Variants in AGGF1 observed in about 807,000 individuals in gnomAD.
The protein encoded by AGGF1 is angiogenic factor with G-patch and FHA domains 1.
Under a neutral mutation model 86.5 loss-of-function variants are expected in AGGF1, and 56 were observed. That is an observed-to-expected ratio of 0.65 (90% CI 0.52 to 0.81). The LOEUF is 0.81. AGGF1 is among the 30% of genes least tolerant of loss of function. AGGF1 has a pLI of 0.00. For synonymous variants in AGGF1, 313 were observed against 297.1 expected, an observed-to-expected ratio of 1.05 and a Z score of -0.55; for missense variants, 816 against 850.9, an observed-to-expected ratio of 0.96 and a Z score of 0.51.
chr5:77,044,673 A>G (rs890695493), intron 5 of AGGF1, among the ~76,000 whole-genome samples: 2 of 152,128 alleles, frequency 1.3e-5, no homozygotes, highest in Non-Finnish European at 2.9e-5. Context: ...TTTTGCTATA[A>G]TTTTATAATG....
At chr5:77,044,079 G>A (rs930128652) in intron 5 of AGGF1, among the ~76,000 whole-genome samples, 47 of 134,670 alleles carry the variant, frequency 3.5e-4, no homozygotes, top group African/African-American at 1.2e-3. Context: ...GGGCGGAGAC[G>A]CTCCTCACTT....
At chr5:77,041,271 A>G (rs1747074627) in intron 5 of AGGF1, among the ~76,000 whole-genome samples, 1 of 152,136 alleles carries the variant, frequency 6.6e-6, no homozygotes, top group Admixed American at 6.5e-5. Context: ...GATTGTTTGA[A>G]AGGCTAGGTT....
At position 77,050,205 on chromosome 5, in the gene AGGF1, A is replaced by C. The variant is rs565821427; in HGVS notation, c.1365+1218A>C. 2.0e-5 allele frequency among the ~76,000 whole-genome samples: 3 copies of C among 151,252 alleles called. No individual in the cohort carries two copies. In the South Asian group the frequency reaches 6.3e-4, roughly 32 times the overall value. ...CCTGCCTCCAAAAAAATAAAACAACACCTAATCTGTAACTTAAATAGCAAA... is the reference window on the plus strand; with the variant it reads ...CCTGCCTCCAAAAAAATAAAACAACCCCTAATCTGTAACTTAAATAGCAAA... On this transcript the variant is annotated intron_variant, in intron 8 of 13. Transcript: ENST00000312916.
intron 1 of AGGF1, among the ~76,000 whole-genome samples, chr5:77,032,807 A>G (rs1287254887): frequency 6.6e-6 from 1 of 152,196 alleles, no homozygotes; most frequent in East Asian, 1.9e-4. Flanking sequence ...TTCTTACAGA[A>G]AAGAATGTTT....
At chr5:77,062,955 T>C (rs1243406934) in intron 13 of AGGF1, 97 bp from the exon 14 acceptor site, 2 of 1,321,924 alleles carry the variant, frequency 1.5e-6, no homozygotes, top group Non-Finnish European at 2.2e-6. Flanking sequence ...CATCAATCTT[T>C]AATAAATCAA....
chr5:77,063,063 G>A lies in AGGF1; in HGVS notation c.1956G>A (p.Gln652=). Residue 652 remains glutamine, a synonymous_variant, in exon 14 of 14, where the codon CAG becomes CAA. Coordinates refer to ENST00000312916, the MANE Select transcript of AGGF1 (RefSeq NM_018046.5). ...GGGMKTPIQL[Q]LRRTHAGLGT... ...ACTTTTGGTAACAGATCCAGCTTCA[G>A]CTTCGGCGAACACATGCAGGCTTGG... is the stretch of plus-strand genomic sequence containing the variant. 2 of 1,614,012 alleles carry A rather than the reference G, an allele frequency of 1.2e-6. No homozygotes were observed. Among genetic ancestry groups the A allele is most frequent in the South Asian group, 1.1e-5 (1 of 91,084 alleles).
Position 77,030,794 on chromosome 5 carries a change from C to A in AGGF1, c.28C>A (p.Arg10=). 1 of 1,592,472 alleles carries A rather than the reference C, an allele frequency of 6.3e-7. No homozygotes were observed. The highest frequency in any genetic ancestry group is 8.5e-7 in the Non-Finnish European group (1 of 1,173,534). Residue 10 remains arginine (R), a synonymous_variant, in exon 1 of 14, where the codon CGG becomes AGG. Transcript: ENST00000312916. ...GGCCTCGGAGGCGCCGTCCCCGCCG[C>A]GGTCGCCGCCGCCGCCCACCTCCCC... The part of the protein sequence containing the change: MASEAPSPP[R]SPPPPTSPEP...
At position 77,048,268 on chromosome 5, in the gene AGGF1, G is replaced by A; in HGVS notation, c.1309G>A (p.Gly437Arg). The change falls in exon 7 of 14, where the codon GGA becomes AGA. Residue 437 changes from glycine to arginine, a missense_variant. Transcript: ENST00000312916. ...IITAVNPATI[G>R]REKDMEHTLR... ...TACTGCTGTAAACCCTGCTACAATT[G>A]GAAGGTAAAATGGTTAATATTATTA... is the stretch of plus-strand genomic sequence containing the variant. 1 of 1,593,926 alleles carries A rather than the reference G, an allele frequency of 6.3e-7. No individual in the cohort carries two copies. The highest frequency in any genetic ancestry group is 8.6e-7 in the Non-Finnish European group (1 of 1,162,054).
rs1019340970 is a variant in AGGF1, at chr5:77,064,116, T to A, written c.*864T>A. The A allele has an allele frequency of 6.6e-5, 10 of 152,612 alleles. No individual in the cohort carries two copies. Among genetic ancestry groups the A allele is most frequent in the Non-Finnish European group, 1.3e-4 (9 of 68,040 alleles). The allele number at this position is 152,612 out of a possible 1,614,324, so 9.5% of individuals were successfully genotyped here. A position where few individuals can be genotyped will look rare whatever the true frequency, so the allele number is the denominator to read the frequency against. ...GAAAAAGAGTGATTTTTTGAACCGG[T>A]GATTTAAATGTATTGATCTGCTTTG... is the stretch of plus-strand genomic sequence containing the variant. On this transcript the variant is annotated 3_prime_UTR_variant, in exon 14 of 14. Coordinates refer to ENST00000312916, the MANE Select transcript of AGGF1 (RefSeq NM_018046.5).
intron 10 of AGGF1, among the ~76,000 whole-genome samples, chr5:77,055,306 T>G (rs1189418010): frequency 6.6e-6 from 1 of 152,178 alleles, no homozygotes; most frequent in Non-Finnish European, 1.5e-5. Context: ...TATCTGTGGT[T>G]TTTGCTTTAC....
intron 1 of AGGF1, 68 bp from the exon 2 acceptor site, chr5:77,034,350 G>T: frequency 1.1e-6 from 1 of 947,354 alleles, no homozygotes; most frequent in South Asian, 1.3e-5. Context: ...TGTAACGGTA[G>T]GAGACTGGTA....
chr5:77,030,738 C>A lies in AGGF1; in HGVS notation c.-29C>A. ...TTTCGGCCTGAACGCAGCCCCTCCG[C>A]GGCGACGAGCAGTCTCGCGCCGGAG... is the stretch of plus-strand genomic sequence containing the variant. On this transcript the variant is annotated 5_prime_UTR_variant, in exon 1 of 14. Coordinates refer to ENST00000312916, the MANE Select transcript of AGGF1 (RefSeq NM_018046.5). 1 of 1,549,280 alleles carries A rather than the reference C, an allele frequency of 6.5e-7. No homozygotes were observed.
intron 5 of AGGF1, among the ~76,000 whole-genome samples, chr5:77,044,473 A>T (rs1484361819): frequency 2.0e-5 from 3 of 152,160 alleles, no homozygotes. Context: ...AGTAGGGGAG[A>T]TAGGAGTAAA....
rs2150725030 is a variant in AGGF1 at position 77,030,856 on chromosome 5, G to A, written c.90G>A (p.Glu30=). The part of the protein sequence containing the change: ...PELAQLRRKV[E]KLERELRSCK... ...TGGCCCAGCTAAGGCGGAAGGTGGA[G>A]AAGTTGGAACGTGAACTGCGGAGCT... The change falls in exon 1 of 14, where the codon GAG becomes GAA. Residue 30 remains glutamate (E), a synonymous_variant. Transcript: ENST00000312916. 6.2e-7 allele frequency: 1 copy of A among 1,613,046 alleles called. No individual in the cohort carries two copies. The highest frequency in any genetic ancestry group is 2.2e-5 in the East Asian group (1 of 44,886).
At position 77,063,529 on chromosome 5, in the gene AGGF1, A is replaced by T. The variant is rs1298615239; in HGVS notation, c.*277A>T. On this transcript the variant is annotated 3_prime_UTR_variant, in exon 14 of 14. Coordinates refer to ENST00000312916, the MANE Select transcript of AGGF1 (RefSeq NM_018046.5). ...TTATCTTGTCATTTACAACATCCAT[A>T]TAAGCAACTAGCCATATAAGCAAAA... The T allele has an allele frequency of 1.2e-5, 5 of 405,682 alleles. No individual in the cohort carries two copies. Among genetic ancestry groups the T allele is most frequent in the Non-Finnish European group, 2.2e-5 (5 of 222,388 alleles). 25.1% of individuals were successfully genotyped at this position (405,682 alleles called of 1,614,324 possible). A position where few individuals can be genotyped will look rare whatever the true frequency, so the allele number is the denominator to read the frequency against.
At chr5:77,057,807 G>A (rs1023377243) in intron 11 of AGGF1, among the ~76,000 whole-genome samples, 1 of 152,204 alleles carries the variant, frequency 6.6e-6, no homozygotes, top group African/African-American at 2.4e-5. Flanking sequence ...CTAAAATGTT[G>A]AAGGACATCC....
At chr5:77,055,468 A>T in intron 10 of AGGF1, 46 bp from the exon 11 acceptor site, 1 of 1,275,888 alleles carries the variant, frequency 7.8e-7, no homozygotes, top group Non-Finnish European at 1.1e-6. Flanking sequence ...TTTTGTACAA[A>T]ATCAGATTTA....
At chr5:77,034,329 A>G in intron 1 of AGGF1, 89 bp from the exon 2 acceptor site, 2 of 847,118 alleles carry the variant, frequency 2.4e-6, no homozygotes, top group Admixed American at 4.0e-5. Context: ...CATTTCTCTA[A>G]AACAATTATT....
rs773668637 is a variant in AGGF1 at position 77,046,584 on chromosome 5, G to A, written c.1108G>A (p.Glu370Lys). The A allele has an allele frequency of 6.2e-7, 1 of 1,613,830 alleles. No individual in the cohort carries two copies. The highest frequency in any genetic ancestry group is 1.7e-5 in the Admixed American group (1 of 59,988). ...CATGGAGACTGATAGTGAACCAGAG[G>A]AAGGTGAAATTACAGACTCTCAGAC... Reference protein sequence around the residue: ...KIMETDSEPEEGEITDSQTED... With the variant: ...KIMETDSEPEKGEITDSQTED... Residue 370 changes from glutamate to lysine, a missense_variant, in exon 6 of 14, where the codon GAA becomes AAA. By Grantham distance (56) the Glu-to-Lys change is moderately conservative. Transcript: ENST00000312916.
Sources: allele counts gnomAD v4.1 joint callset (sites outside exome capture counted in the v4.1 genomes callset), GRCh38; gene constraint gnomAD v4.1.1; transcripts MANE v1.5; gene names NCBI Gene and HGNC (gene_info 2026-07-23, HGNC 2026-07-21).